The following SMAP1 variants were observed in gnomAD, a reference collection of about 807,000 sequenced individuals.
SMAP1 encodes the protein small ArfGAP 1, also known as stromal membrane-associated protein 1.
A neutral mutation model predicts 58.5 loss-of-function variants in SMAP1; 24 were observed. The ratio of observed to expected loss-of-function variants is 0.41; its 90% CI spans 0.30 to 0.58. The LOEUF is 0.58. Ranked by LOEUF, SMAP1 falls within the 20% of genes least tolerant of loss-of-function variation. The pLI is 0.29. For missense variants in SMAP1, 563 were observed against 566.3 expected, an observed-to-expected ratio of 0.99 and a Z score of 0.06; for synonymous variants, 216 against 196.6, an observed-to-expected ratio of 1.10 and a Z score of -0.82.
chr6:70,783,918 A>C (rs369942770), intron 4 of SMAP1, among the ~76,000 whole-genome samples: 35 of 152,178 alleles, frequency 2.3e-4, no homozygotes, highest in African/African-American at 5.8e-4. Context: ...TCTAGCAAGG[A>C]AGGCCAACAT....
At chr6:70,737,649 C>G (rs895388618) in intron 2 of SMAP1, among the ~76,000 whole-genome samples, 3 of 152,140 alleles carry the variant, frequency 2.0e-5, no homozygotes, top group Non-Finnish European at 4.4e-5. Context: ...TCATATGTGT[C>G]TTTGTAGTGC....
At chr6:70,670,599 A>G (rs1290764371) in intron 1 of SMAP1, among the ~76,000 whole-genome samples, 2 of 152,244 alleles carry the variant, frequency 1.3e-5, no homozygotes, top group African/African-American at 2.4e-5. Flanking sequence ...GTCTTACTCT[A>G]CAGCTCAGTT....
chr6:70,708,406 A>G (rs186160053), intron 1 of SMAP1, among the ~76,000 whole-genome samples: 1 of 152,122 alleles, frequency 6.6e-6, no homozygotes, highest in Admixed American at 6.6e-5. Flanking sequence ...CATCTTAACT[A>G]TTGGGAAAAA....
At chr6:70,856,687 G>C in intron 8 of SMAP1, 172 bp from the exon 9 acceptor site, 1 of 534,026 alleles carries the variant, frequency 1.9e-6, no homozygotes, top group South Asian at 4.2e-5. Context: ...CTTGATTGTA[G>C]ATGTTTTTAT....
intron 6 of SMAP1, among the ~76,000 whole-genome samples, chr6:70,827,654 C>T (rs1035453147): frequency 6.6e-6 from 1 of 152,152 alleles, no homozygotes; most frequent in African/African-American, 2.4e-5. Flanking sequence ...AGAGAATGGA[C>T]GTGTAAGAGA....
At chr6:70,782,425 A>T (rs1232240577) in intron 4 of SMAP1, among the ~76,000 whole-genome samples, 1 of 152,198 alleles carries the variant, frequency 6.6e-6, no homozygotes, top group African/African-American at 2.4e-5. Flanking sequence ...AACCGAATAG[A>T]AATAATATCT....
intron 1 of SMAP1, among the ~76,000 whole-genome samples, chr6:70,701,978 G>T (rs2149829226): frequency 6.6e-6 from 1 of 152,236 alleles, no homozygotes; most frequent in South Asian, 2.1e-4. Context: ...TTCAAAAGAT[G>T]TTTTAGTATG....
intron 7 of SMAP1, among the ~76,000 whole-genome samples, chr6:70,845,758 T>C (rs904551787): frequency 6.6e-6 from 1 of 152,202 alleles, no homozygotes; most frequent in Admixed American, 6.5e-5. Context: ...GGGTAAGATA[T>C]GGCTCCGACC....
intron 4 of SMAP1, among the ~76,000 whole-genome samples, chr6:70,778,474 T>G (rs1767631972): frequency 6.6e-6 from 1 of 152,238 alleles, no homozygotes; most frequent in Admixed American, 6.5e-5. Context: ...ATGATAAAGT[T>G]TTTGTCTTTC....
chr6:70,719,474 A>G (rs763692071), intron 1 of SMAP1, among the ~76,000 whole-genome samples: 6 of 152,166 alleles, frequency 3.9e-5, no homozygotes, highest in Non-Finnish European at 7.3e-5. Flanking sequence ...ATTTTACCAC[A>G]CTTATTCTCT....
At chr6:70,815,813 T>C (rs959076967) in intron 6 of SMAP1, among the ~76,000 whole-genome samples, 10 of 152,212 alleles carry the variant, frequency 6.6e-5, no homozygotes, top group Middle Eastern at 3.4e-3. Flanking sequence ...TATTTGTGTA[T>C]GTTTGTGTAT....
intron 2 of SMAP1, among the ~76,000 whole-genome samples, chr6:70,736,992 T>G (rs901921130): frequency 1.3e-5 from 2 of 152,256 alleles, no homozygotes; most frequent in Admixed American, 6.5e-5. Flanking sequence ...TCCTCTGCCT[T>G]CTGGCTTCAT....
intron 3 of SMAP1, 99 bp from the exon 4 acceptor site, chr6:70,773,251 A>G: frequency 1.5e-6 from 1 of 681,516 alleles, no homozygotes; most frequent in Non-Finnish European, 2.5e-6. Flanking sequence ...GAGGAGTAGG[A>G]AAATTAAATT....
chr6:70,770,337 A>G (rs977458635), intron 3 of SMAP1, among the ~76,000 whole-genome samples: 1 of 152,192 alleles, frequency 6.6e-6, no homozygotes, highest in Non-Finnish European at 1.5e-5. Flanking sequence ...AATATCCTGC[A>G]GAGTGTTTTC....
At chr6:70,674,700 G>A (rs1264360333) in intron 1 of SMAP1, among the ~76,000 whole-genome samples, 3 of 152,334 alleles carry the variant, frequency 2.0e-5, no homozygotes, top group East Asian at 3.9e-4. Flanking sequence ...GATGCCGGGT[G>A]CAGTGGTTCA....
intron 2 of SMAP1, among the ~76,000 whole-genome samples, chr6:70,738,788 A>G (rs1237156643): frequency 3.3e-5 from 5 of 152,170 alleles, no homozygotes. Context: ...AAAAACAACT[A>G]AAACTACAGG....
intron 1 of SMAP1, among the ~76,000 whole-genome samples, chr6:70,716,599 A>G (rs969753137): frequency 2.0e-5 from 3 of 152,050 alleles, no homozygotes; most frequent in Admixed American, 6.5e-5. Flanking sequence ...GATGATTTCC[A>G]GTGACCTGTC....
chr6:70,804,176 A>G (rs1562173147), intron 6 of SMAP1, among the ~76,000 whole-genome samples: 2 of 152,084 alleles, frequency 1.3e-5, no homozygotes, highest in African/African-American at 4.8e-5. Context: ...GTGCTCCTGT[A>G]TTGGGTGCAT....
rs552726326 is a variant in SMAP1 at position 70,813,145 on chromosome 6, A to G, written c.576+14408A>G. Among the ~76,000 whole-genome samples the G allele has an allele frequency of 1.1e-3, 167 of 151,946 alleles. 1 individual carries two copies. The highest frequency in any genetic ancestry group is 2.0e-3 in the Non-Finnish European group (136 of 67,966). ...TTTTTTATTTTTTCTCTCACCCCCAATTTAATGTTGTATTATAAGCATTTA... is the reference window on the plus strand; with the variant it reads ...TTTTTTATTTTTTCTCTCACCCCCAGTTTAATGTTGTATTATAAGCATTTA... On this transcript the variant is annotated intron_variant, in intron 6 of 10. Transcript: ENST00000370455.
Sources: allele counts gnomAD v4.1 joint callset (sites outside exome capture counted in the v4.1 genomes callset), GRCh38; gene constraint gnomAD v4.1.1; transcripts MANE v1.5; gene names NCBI Gene and HGNC (gene_info 2026-07-23, HGNC 2026-07-21).